The following MYO1H variants were observed in gnomAD, a reference collection of about 807,000 sequenced individuals.
MYO1H encodes the protein unconventional myosin-Ih.
Under a neutral mutation model 149.3 loss-of-function variants are expected in MYO1H, and 118 were observed. The observed-to-expected ratio is 0.79, with a 90% CI of 0.68 to 0.92. The LOEUF is 0.92. Ranked by LOEUF, MYO1H falls within the 40% of genes least tolerant of loss-of-function variation. The pLI, the probability that MYO1H is intolerant of heterozygous loss-of-function variation, is 0.00. For synonymous variants in MYO1H, 447 were observed against 465.2 expected, an observed-to-expected ratio of 0.96 and a Z score of 0.50; for missense variants, 1,212 against 1,280.7, an observed-to-expected ratio of 0.95 and a Z score of 0.82.
intron 5 of MYO1H, among the ~76,000 whole-genome samples, chr12:109,398,845 TAGTA>T (rs1870030060): frequency 6.6e-6 from 1 of 151,566 alleles, no homozygotes; most frequent in Non-Finnish European, 1.5e-5. Flanking sequence ...TACAGCCAGA[TAGTA>T]AGTATTTTAG....
At chr12:109,326,664 G>A in the MYO1H span, among the ~76,000 whole-genome samples, 1 of 151,922 alleles carries the variant, frequency 6.6e-6, no homozygotes, top group Non-Finnish European at 1.5e-5. Flanking sequence ...CGGGATTACA[G>A]GCATGTCACC....
At position 109,438,396 on chromosome 12, in the gene MYO1H, C is replaced by T. The variant is rs766427592; in HGVS notation, c.2210-140C>T. On this transcript the variant is annotated intron_variant, in intron 22 of 31. Transcript: ENST00000310903. The stretch of plus-strand genomic sequence containing the variant: ...CAGGTAAGAACTGATGACATTCATC[C>T]GACCTTCCATCTCTGAGGCTAACAG... The T allele has an allele frequency of 9.3e-5, 64 of 690,028 alleles. 1 individual carries two copies. The highest frequency in any genetic ancestry group is 8.0e-4 in the South Asian group (50 of 62,852). The allele number at this position is 690,028 out of a possible 1,614,324, so 42.7% of individuals were successfully genotyped here.
chr12:109,384,035 T>G (rs1036489045), intron 1 of MYO1H, among the ~76,000 whole-genome samples: 1 of 152,262 alleles, frequency 6.6e-6, no homozygotes, highest in East Asian at 1.9e-4. Context: ...CCTGCAAGGG[T>G]AAATTGTACG....
chr12:109,367,659 C>A (rs931871366), intron 1 of MYO1H, among the ~76,000 whole-genome samples: 8 of 152,244 alleles, frequency 5.3e-5, no homozygotes, highest in Middle Eastern at 3.4e-3. Flanking sequence ...TCACCCCATT[C>A]TCCTGCCTCA....
exon 20 of MYO1H, chr12:109,432,900 C>T (rs754186499): frequency 1.2e-6 from 2 of 1,613,768 alleles, no homozygotes; most frequent in South Asian, 2.2e-5. Flanking sequence ...CTCCTAGGTA[C>T]AAGTCCTTAT....
intron 1 of MYO1H, among the ~76,000 whole-genome samples, chr12:109,386,560 T>C (rs141201128): frequency 8.0e-4 from 122 of 152,334 alleles, no homozygotes; most frequent in African/African-American, 2.9e-3. Flanking sequence ...TGGTATCTCA[T>C]TGTGGTTTTA....
chr12:109,381,982 C>T (rs896995031), intron 1 of MYO1H, among the ~76,000 whole-genome samples: 1 of 152,136 alleles, frequency 6.6e-6, no homozygotes, highest in African/African-American at 2.4e-5. Flanking sequence ...CCTGCCTTTC[C>T]CTTGCAAACT....
chr12:109,411,142 A>AAAAAAT (rs764896150), intron 13 of MYO1H, among the ~76,000 whole-genome samples: 51 of 152,134 alleles, frequency 3.4e-4, no homozygotes, highest in South Asian at 1.0e-3. Context: ...ACTCCATCTC[A>AAAAAAT]AAAAATAAAA....
At chr12:109,371,213 C>CTTTTTTTTTTTTTTT (rs34350111) in intron 1 of MYO1H, among the ~76,000 whole-genome samples, 52 of 118,300 alleles carry the variant, frequency 4.4e-4, no homozygotes, top group South Asian at 8.4e-4. Flanking sequence ...TTTTTTCTTT[C>CTTTTTTTTTTTTTTT]TTTTTTTTTT....
At chr12:109,439,504 C>CCTACATTCCAGGCCTA in intron 23 of MYO1H, 127 bp from the exon 24 acceptor site, 1 of 481,704 alleles carries the variant, frequency 2.1e-6, no homozygotes, top group Non-Finnish European at 3.2e-6. Flanking sequence ...GATTTGGCCT[C>CCTACATTCCAGGCCTA]TGGCCTATGT....
At chr12:109,337,015 C>A in the MYO1H span, among the ~76,000 whole-genome samples, 4 of 152,294 alleles carry the variant, frequency 2.6e-5, no homozygotes, top group Non-Finnish European at 5.9e-5. Flanking sequence ...CAGGAACCCA[C>A]TACCCCATCC....
At chr12:109,377,636 C>T (rs1869111406) in intron 1 of MYO1H, among the ~76,000 whole-genome samples, 1 of 152,186 alleles carries the variant, frequency 6.6e-6, no homozygotes, top group Admixed American at 6.5e-5. Flanking sequence ...GCCTCTATGG[C>T]TTTATCAGTT....
the MYO1H span, among the ~76,000 whole-genome samples, chr12:109,323,129 TG>T: frequency 8.5e-5 from 13 of 152,222 alleles, no homozygotes; most frequent in South Asian, 1.2e-3. Context: ...ATACCCATAA[TG>T]AAATGTCTGT....
exon 4 of MYO1H, chr12:109,396,498 C>T (rs374025428): frequency 5.0e-6 from 8 of 1,613,804 alleles, no homozygotes; most frequent in Admixed American, 1.7e-5. Flanking sequence ...AGAAAATTCT[C>T]GAGTATTTTG....
At chr12:109,437,891 C>G (rs1337644605) in intron 22 of MYO1H, among the ~76,000 whole-genome samples, 6 of 151,950 alleles carry the variant, frequency 3.9e-5, no homozygotes, top group Admixed American at 6.6e-5. Context: ...AGTTCGAGAT[C>G]AGCCTGCCCA....
rs533115863 is a variant in MYO1H at position 109,420,914 on chromosome 12, G to T, written c.1598-67G>T. ...TTTTCAGAATTTCCCTTTGCAATGA[G>T]TTGGGATGGAATTGTATTTTTAGGC... On this transcript the variant is annotated intron_variant, in intron 15 of 31. Transcript: ENST00000310903. 3.6e-5 allele frequency: 30 copies of T among 844,550 alleles called. No homozygotes were observed. The Admixed American group carries it at 6.1e-4, about 17-fold the overall frequency. The allele number at this position is 844,550 out of a possible 1,614,324, so 52.3% of individuals were successfully genotyped here.
intron 1 of MYO1H, among the ~76,000 whole-genome samples, chr12:109,382,889 G>GAT (rs531123745): frequency 0.018 from 2,632 of 147,230 alleles, 49 homozygotes; most frequent in Non-Finnish European, 0.023. Context: ...TTAAAATAAT[G>GAT]ATATATATAA....
chr12:109,443,060 G>GTATA (rs371552255), intron 27 of MYO1H, among the ~76,000 whole-genome samples: 1,969 of 35,760 alleles, frequency 0.055, 589 homozygotes, highest in African/African-American at 0.067. Flanking sequence ...ATATGTGTAC[G>GTATA]TATGTGTGTA....
intron 7 of MYO1H, among the ~76,000 whole-genome samples, chr12:109,405,235 GGATA>G (rs1344911793): frequency 1.3e-5 from 2 of 151,768 alleles, no homozygotes; most frequent in African/African-American, 2.4e-5. Context: ...ATAGATGGAT[GGATA>G]GATAGATAGA....
Sources: gnomAD v4.1 joint callset for allele counts (sites outside exome capture counted in the v4.1 genomes callset) on GRCh38, gnomAD v4.1.1 for gene constraint, MANE v1.5 for transcripts, NCBI Gene and HGNC (gene_info 2026-07-23, HGNC 2026-07-21) for gene names.